NKAIN2: variants seen among roughly 807,000 people sequenced by gnomAD.
NKAIN2 encodes sodium/potassium transporting ATPase interacting 2.
Under a neutral mutation model 32.6 loss-of-function variants are expected in NKAIN2, and 14 were observed. The observed-to-expected ratio is 0.43, with a 90% CI of 0.28 to 0.67. The LOEUF (loss-of-function observed/expected upper bound fraction) is 0.67, where lower values mean the gene tolerates loss of function less well. Among genes scored for constraint, NKAIN2 ranks in the 30% least tolerant of loss-of-function variants. The pLI is 0.17. For synonymous variants in NKAIN2, 80 were observed against 87.2 expected, an observed-to-expected ratio of 0.92 and a Z score of 0.46; for missense variants, 198 against 258.3, an observed-to-expected ratio of 0.77 and a Z score of 1.60.
chr6:124,524,466 A>T (rs2114805018), intron 3 of NKAIN2, among the ~76,000 whole-genome samples: 1 of 152,308 alleles, frequency 6.6e-6, no homozygotes, highest in Middle Eastern at 3.4e-3. Flanking sequence ...AAAAATAATG[A>T]GAATAGTAAC....
chr6:124,527,424 A>T (rs931041580), intron 3 of NKAIN2, among the ~76,000 whole-genome samples: 2 of 152,242 alleles, frequency 1.3e-5, no homozygotes, highest in African/African-American at 4.8e-5. Context: ...CTTTTTCTGA[A>T]CATCTCTAAA....
chr6:124,604,373 A>G (rs1782419914), intron 3 of NKAIN2, among the ~76,000 whole-genome samples: 1 of 152,008 alleles, frequency 6.6e-6, no homozygotes, highest in Non-Finnish European at 1.5e-5. Context: ...AGGTGTCAAA[A>G]ACATCTGCTA....
intron 2 of NKAIN2, among the ~76,000 whole-genome samples, chr6:124,286,118 T>C (rs1455580608): frequency 6.6e-6 from 1 of 152,188 alleles, no homozygotes; most frequent in Non-Finnish European, 1.5e-5. Context: ...ACATTTTGCG[T>C]ATTTCCTTTG....
At chr6:124,539,060 G>A (rs1375769171) in intron 3 of NKAIN2, among the ~76,000 whole-genome samples, 1 of 152,052 alleles carries the variant, frequency 6.6e-6, no homozygotes, top group Non-Finnish European at 1.5e-5. Flanking sequence ...TGAATGGTAA[G>A]GCAAGAATTA....
At chr6:124,126,903 C>T (rs1473734625) in intron 1 of NKAIN2, among the ~76,000 whole-genome samples, 1 of 152,114 alleles carries the variant, frequency 6.6e-6, no homozygotes, top group Non-Finnish European at 1.5e-5. Flanking sequence ...TGCAGTGAGC[C>T]ATGCCACTGC....
intron 3 of NKAIN2, among the ~76,000 whole-genome samples, chr6:124,568,133 G>A (rs1562261154): frequency 6.6e-6 from 1 of 152,206 alleles, no homozygotes; most frequent in Non-Finnish European, 1.5e-5. Flanking sequence ...GCCAAAGCAA[G>A]CCAAGTGGCT....
intron 1 of NKAIN2, among the ~76,000 whole-genome samples, chr6:124,060,937 A>G (rs1457592554): frequency 6.6e-6 from 1 of 152,066 alleles, no homozygotes; most frequent in Admixed American, 6.5e-5. Context: ...AATGATGGAT[A>G]AAAAAAGAGC....
chr6:124,310,765 T>A (rs1251599973), intron 2 of NKAIN2, among the ~76,000 whole-genome samples: 1 of 152,142 alleles, frequency 6.6e-6, no homozygotes, highest in Non-Finnish European at 1.5e-5. Flanking sequence ...CGAATTCCTC[T>A]CACAATTAGT....
At position 124,361,095 on chromosome 6, in the gene NKAIN2, G is replaced by A. The variant is rs1799267947; in HGVS notation, c.273+5748G>A. 2.6e-5 allele frequency among the ~76,000 whole-genome samples: 4 copies of A among 152,226 alleles called. No individual in the cohort carries two copies. The South Asian group carries it at 8.3e-4, about 32-fold the overall frequency. ...TCAACACAGAAGAGATATGCTATTT[G>A]TTCTGAAGTGATTTTTAAGTTGAAA... On this transcript the variant is annotated intron_variant, in intron 3 of 6. Transcript: ENST00000368417.
At chr6:124,555,259 G>T (rs1198007198) in intron 3 of NKAIN2, among the ~76,000 whole-genome samples, 2 of 152,168 alleles carry the variant, frequency 1.3e-5, no homozygotes, top group Non-Finnish European at 1.5e-5. Context: ...CATGGCAAAA[G>T]TTCCTCTGCT....
chr6:124,591,341 T>C (rs1781904626), intron 3 of NKAIN2, among the ~76,000 whole-genome samples: 1 of 152,130 alleles, frequency 6.6e-6, no homozygotes, highest in Non-Finnish European at 1.5e-5. Context: ...TCGGAATAAG[T>C]GTGAGGAGTG....
chr6:124,722,568 G>T (rs1776076552), intron 4 of NKAIN2, among the ~76,000 whole-genome samples: 1 of 152,178 alleles, frequency 6.6e-6, no homozygotes, highest in African/African-American at 2.4e-5. Context: ...GTGCATCGCA[G>T]TTCACTATAG....
intron 1 of NKAIN2, among the ~76,000 whole-genome samples, chr6:124,148,289 T>G: frequency 1.3e-5 from 1 of 78,114 alleles, no homozygotes; most frequent in Non-Finnish European, 2.9e-5. Context: ...TCTTTTTAAC[T>G]TATAGAATTT....
intron 1 of NKAIN2, among the ~76,000 whole-genome samples, chr6:124,177,407 T>A (rs1166599259): frequency 6.6e-6 from 1 of 152,174 alleles, no homozygotes; most frequent in African/African-American, 2.4e-5. Context: ...TCCTGTGACA[T>A]TTCTGTAAAT....
In NKAIN2 at chr6:124,148,568, A is replaced by G. The variant is rs549596358; in HGVS notation, c.55-134437A>G. On this transcript the variant is annotated intron_variant, in intron 1 of 6. Transcript: ENST00000368417. ...TAAAAAAACTGACCTCTAGTCCTGC[A>G]GATCAATATGTGGTGTTTGGGACTG... Among the ~76,000 whole-genome samples, 4 of 152,272 alleles carry G rather than the reference A, an allele frequency of 2.6e-5. No individual in the cohort carries two copies. In the South Asian group the frequency reaches 8.3e-4, roughly 32 times the overall value.
chr6:124,546,629 A>G (rs1562249272), intron 3 of NKAIN2, among the ~76,000 whole-genome samples: 1 of 152,056 alleles, frequency 6.6e-6, no homozygotes, highest in Non-Finnish European at 1.5e-5. Context: ...TTGTTTATTG[A>G]ATTTGTTGGG....
At chr6:123,804,304 G>T (rs751193941) in intron 1 of NKAIN2, 50 bp downstream of exon 1, 19 of 1,473,922 alleles carry the variant, frequency 1.3e-5, no homozygotes, top group Non-Finnish European at 1.8e-5. Context: ...TTGAGATAGT[G>T]GGCAGGGGAG....
chr6:123,872,566 G>T (rs944655410), intron 1 of NKAIN2, among the ~76,000 whole-genome samples: 7 of 152,146 alleles, frequency 4.6e-5, no homozygotes, highest in Non-Finnish European at 8.8e-5. Context: ...GGAATTTGAG[G>T]ATATATGAGC....
At chr6:124,177,509 C>G (rs1789220106) in intron 1 of NKAIN2, among the ~76,000 whole-genome samples, 1 of 152,104 alleles carries the variant, frequency 6.6e-6, no homozygotes, top group African/African-American at 2.4e-5. Flanking sequence ...ATTACCAGTC[C>G]ATAACATTAT....
Sources: allele counts gnomAD v4.1 joint callset (sites outside exome capture counted in the v4.1 genomes callset), GRCh38; gene constraint gnomAD v4.1.1; transcripts MANE v1.5; gene names NCBI Gene and HGNC (gene_info 2026-07-23, HGNC 2026-07-21).